Variants in PPFIA2 observed in about 807,000 individuals in gnomAD.
PPFIA2 encodes the protein PPFI scaffold protein A2.
A neutral mutation model predicts 175.5 loss-of-function variants in PPFIA2; 46 were observed. The ratio of observed to expected loss-of-function variants is 0.26; its 90% CI spans 0.21 to 0.34. PPFIA2 has a LOEUF of 0.34. PPFIA2 is among the 10% of genes least tolerant of loss of function. The probability of loss-of-function intolerance (pLI) is 1.00; values close to 1 mark genes in which losing one functional copy is unlikely to be tolerated. For synonymous variants in PPFIA2, 568 were observed against 511.4 expected (o/e 1.11, Z -1.49); for missense variants, 1,179 against 1,506.1 (o/e 0.78, Z 3.60).
intron 4 of PPFIA2, among the ~76,000 whole-genome samples, chr12:81,658,759 ACATG>A (rs887344864): frequency 2.6e-5 from 4 of 152,012 alleles, no homozygotes; most frequent in African/African-American, 9.7e-5. Flanking sequence ...CTTCCAACTT[ACATG>A]CAAAGAAACA....
At chr12:81,567,198 C>A (rs539083349) in intron 4 of PPFIA2, among the ~76,000 whole-genome samples, 1 of 152,168 alleles carries the variant, frequency 6.6e-6, no homozygotes, top group Non-Finnish European at 1.5e-5. Context: ...CAGGCACCCA[C>A]CACCATGCCT....
rs869311003 is a variant in PPFIA2, at chr12:81,638,682, CTTTTTTTT to C, written c.303+38101_303+38108del. 5.5e-5 allele frequency among the ~76,000 whole-genome samples: 4 copies of C among 72,682 alleles called. No individual in the cohort carries two copies. In the Admixed American group the frequency reaches 6.8e-4, roughly 12 times the overall value. 47.7% of individuals were successfully genotyped at this position (72,682 alleles called of 152,430 possible). On this transcript the variant is annotated intron_variant, in intron 4 of 32. Coordinates refer to ENST00000549396, the MANE Select transcript of PPFIA2 (RefSeq NM_003625.5). ...ATTTTCTTGTTTTGTCATAAATTTT[CTTTTTTTT>C]TTTTTTTTTTTTTTTGAGACGGAGT... is the stretch of plus-strand genomic sequence containing the variant.
chr12:81,261,723 G>C (rs534196856), intron 32 of PPFIA2, among the ~76,000 whole-genome samples: 1 of 152,248 alleles, frequency 6.6e-6, no homozygotes, highest in South Asian at 2.1e-4. Context: ...TACAGTGATA[G>C]GCCTCCAACA....
chr12:81,564,421 C>T (rs747617056), intron 4 of PPFIA2, among the ~76,000 whole-genome samples: 3 of 152,148 alleles, frequency 2.0e-5, no homozygotes, highest in Non-Finnish European at 4.4e-5. Flanking sequence ...TGCTAGTGAC[C>T]TTTCTACCAA....
chr12:81,686,827 A>G (rs946443790), intron 3 of PPFIA2, among the ~76,000 whole-genome samples: 3 of 151,924 alleles, frequency 2.0e-5, no homozygotes, highest in African/African-American at 7.3e-5. Flanking sequence ...TTCATTTACC[A>G]TTGCATTTAC....
intron 11 of PPFIA2, among the ~76,000 whole-genome samples, chr12:81,371,824 C>A (rs1466755841): frequency 6.6e-6 from 1 of 151,598 alleles, no homozygotes; most frequent in Non-Finnish European, 1.5e-5. Context: ...CAAAGCAAAA[C>A]TTTTAGTTGT....
At chr12:81,387,180 T>A (rs2039163605) in intron 8 of PPFIA2, among the ~76,000 whole-genome samples, 1 of 152,140 alleles carries the variant, frequency 6.6e-6, no homozygotes, top group Admixed American at 6.6e-5. Flanking sequence ...AAAAAAATAC[T>A]TATCACTGTA....
rs531931716 is a variant in PPFIA2 at position 81,277,276 on chromosome 12, C to T, written c.3310+41G>A. 2.7e-6 allele frequency: 4 copies of T among 1,490,404 alleles called. No individual in the cohort carries two copies. In the African/African-American group the frequency reaches 4.3e-5, roughly 16 times the overall value. The allele number at this position is 1,490,404 out of a possible 1,614,324, so 92.3% of individuals were successfully genotyped here. ...GTTAGTAAAAGTGAAAGCTAAAAAC[C>T]CCAGAATAAAGGCATTTCATATGAA... On this transcript the variant is annotated intron_variant, in intron 28 of 32. Transcript: ENST00000549396.
At chr12:81,302,236 C>G (rs753957200) in intron 22 of PPFIA2, 7 of 403,812 alleles carry the variant, frequency 1.7e-5, no homozygotes, top group South Asian at 1.3e-4. Flanking sequence ...TTTTTTCTTG[C>G]ATCTTACCTC....
chr12:81,323,592 G>T (rs1311883183), intron 22 of PPFIA2, among the ~76,000 whole-genome samples: 1 of 151,920 alleles, frequency 6.6e-6, no homozygotes, highest in African/African-American at 2.4e-5. Flanking sequence ...AATTGGAATT[G>T]TTTAAATGAA....
At chr12:81,595,807 A>T (rs2059182934) in intron 4 of PPFIA2, among the ~76,000 whole-genome samples, 1 of 152,196 alleles carries the variant, frequency 6.6e-6, no homozygotes, top group Non-Finnish European at 1.5e-5. Context: ...GAAAAAAATG[A>T]CAGGATAGTT....
chr12:81,514,417 C>T (rs1461458791), intron 4 of PPFIA2, among the ~76,000 whole-genome samples: 2 of 151,936 alleles, frequency 1.3e-5, no homozygotes, highest in African/African-American at 4.8e-5. Flanking sequence ...ATAATGACAA[C>T]ACCTGTAACT....
intron 4 of PPFIA2, among the ~76,000 whole-genome samples, chr12:81,529,545 G>A (rs991750014): frequency 1.5e-5 from 2 of 136,684 alleles, no homozygotes; most frequent in African/African-American, 5.7e-5. Flanking sequence ...AAAGAGTGGC[G>A]GGGGGGCAGT....
intron 4 of PPFIA2, among the ~76,000 whole-genome samples, chr12:81,518,172 G>A (rs948270120): frequency 6.6e-6 from 1 of 152,124 alleles, no homozygotes; most frequent in Non-Finnish European, 1.5e-5. Flanking sequence ...CCTGGATCAT[G>A]GCCAATTTCA....
At chr12:81,291,698 A>T (rs2045065312) in intron 24 of PPFIA2, among the ~76,000 whole-genome samples, 1 of 152,034 alleles carries the variant, frequency 6.6e-6, no homozygotes, top group Non-Finnish European at 1.5e-5. Context: ...ATGGAGTGGT[A>T]ACTCAGGAAG....
chr12:81,566,182 C>T (rs2071239454), intron 4 of PPFIA2, among the ~76,000 whole-genome samples: 1 of 151,972 alleles, frequency 6.6e-6, no homozygotes, highest in African/African-American at 2.4e-5. Flanking sequence ...GCAAGAGGAC[C>T]CAGTAAATGA....
chr12:81,493,673 A>G (rs1179353296), intron 4 of PPFIA2, among the ~76,000 whole-genome samples: 1 of 150,314 alleles, frequency 6.7e-6, no homozygotes, highest in Non-Finnish European at 1.5e-5. Context: ...CTGTAAAGGA[A>G]CTGATAGAAA....
intron 4 of PPFIA2, among the ~76,000 whole-genome samples, chr12:81,668,043 C>CT (rs2070693843): frequency 6.6e-6 from 1 of 152,056 alleles, no homozygotes; most frequent in Non-Finnish European, 1.5e-5. Flanking sequence ...TTAGAGGATT[C>CT]TTTGGAGGTC....
At chr12:81,504,521 T>C (rs902792755) in intron 4 of PPFIA2, among the ~76,000 whole-genome samples, 15 of 152,046 alleles carry the variant, frequency 9.9e-5, no homozygotes, top group Non-Finnish European at 1.9e-4. Flanking sequence ...CATGGAGAAA[T>C]AGGAATGCTT....
Sources: allele counts gnomAD v4.1 joint callset (sites outside exome capture counted in the v4.1 genomes callset), GRCh38; gene constraint gnomAD v4.1.1; transcripts MANE v1.5; gene names NCBI Gene and HGNC (gene_info 2026-07-23, HGNC 2026-07-21).